The following CADPS variants were observed in gnomAD, a reference collection of about 807,000 sequenced individuals.
The protein encoded by CADPS is calcium-dependent secretion activator 1.
A neutral mutation model predicts 167.3 loss-of-function variants in CADPS; 57 were observed. That is an observed-to-expected ratio of 0.34 (90% CI 0.28 to 0.42). CADPS has a LOEUF of 0.42. Among genes scored for constraint, CADPS ranks in the 20% least tolerant of loss-of-function variants. CADPS has a pLI of 1.00. For missense variants in CADPS, 1,414 were observed against 1,738.1 expected (o/e 0.81, Z 3.32); for synonymous variants, 676 against 635.3 (o/e 1.06, Z -0.96).
intron 26 of CADPS, among the ~76,000 whole-genome samples, chr3:62,457,658 T>G (rs2058848930): frequency 6.6e-6 from 1 of 152,124 alleles, no homozygotes; most frequent in Non-Finnish European, 1.5e-5. Context: ...ATGCTAAGAC[T>G]GAACTGGTGA....
At chr3:62,699,507 GAATT>G (rs2081000118) in intron 3 of CADPS, among the ~76,000 whole-genome samples, 1 of 152,164 alleles carries the variant, frequency 6.6e-6, no homozygotes, top group Non-Finnish European at 1.5e-5. Context: ...TGTAAAGTCA[GAATT>G]AATAAACATT....
intron 10 of CADPS, among the ~76,000 whole-genome samples, chr3:62,556,330 G>A (rs150578362): frequency 7.2e-5 from 11 of 152,292 alleles, no homozygotes; most frequent in African/African-American, 1.9e-4. Flanking sequence ...AAGGGGTGGC[G>A]CTGGGCCCAG....
intron 3 of CADPS, among the ~76,000 whole-genome samples, chr3:62,722,636 CT>C (rs1457763588): frequency 6.6e-6 from 1 of 152,224 alleles, no homozygotes; most frequent in African/African-American, 2.4e-5. Flanking sequence ...TAAACAGCTT[CT>C]TTTCTGGCAA....
intron 4 of CADPS, among the ~76,000 whole-genome samples, chr3:62,657,262 A>G (rs1172346640): frequency 6.6e-6 from 1 of 152,042 alleles, no homozygotes; most frequent in Admixed American, 6.6e-5. Context: ...TCTGTGTAGA[A>G]TACGGGTCTA....
At chr3:62,517,786 T>A (rs531922682) in intron 14 of CADPS, among the ~76,000 whole-genome samples, 1 of 152,142 alleles carries the variant, frequency 6.6e-6, no homozygotes, top group Non-Finnish European at 1.5e-5. Context: ...GAGACTCTCC[T>A]AGGAGTATCA....
chr3:62,691,705 T>C (rs1911194), intron 3 of CADPS, among the ~76,000 whole-genome samples: 134,147 of 151,876 alleles, frequency 0.88, 59,345 homozygotes, highest in East Asian at 0.98. Flanking sequence ...TGCATGTTCT[T>C]ACTCATAAGC....
chr3:62,794,778 TAAAAA>T (rs71126555), intron 1 of CADPS, among the ~76,000 whole-genome samples: 7 of 99,894 alleles, frequency 7.0e-5, no homozygotes, highest in Admixed American at 2.1e-4. Context: ...CGCAAGGTGG[TAAAAA>T]AAAAAAAAAA....
intron 28 of CADPS, among the ~76,000 whole-genome samples, chr3:62,410,252 A>G (rs754072891): frequency 3.9e-5 from 6 of 152,208 alleles, no homozygotes; most frequent in Non-Finnish European, 7.3e-5. Flanking sequence ...CTCCATCCTG[A>G]GTGATAGTTG....
At chr3:62,745,587 G>A (rs2081283180) in intron 3 of CADPS, among the ~76,000 whole-genome samples, 1 of 152,160 alleles carries the variant, frequency 6.6e-6, no homozygotes, top group Non-Finnish European at 1.5e-5. Context: ...GAAAGTTTAT[G>A]CCTGGAAGAT....
chr3:62,680,100 A>T (rs1156638486), intron 3 of CADPS, among the ~76,000 whole-genome samples: 2 of 151,978 alleles, frequency 1.3e-5, no homozygotes, highest in African/African-American at 2.4e-5. Context: ...TGTGTTCTGG[A>T]TTACTCTTGG....
intron 1 of CADPS, among the ~76,000 whole-genome samples, chr3:62,794,502 G>A (rs114977529): frequency 2.8e-3 from 423 of 152,170 alleles, no homozygotes; most frequent in African/African-American, 9.6e-3. Flanking sequence ...GGTAGTGTTC[G>A]AACTCAGGAG....
At chr3:62,848,849 G>A (rs1101780) in intron 1 of CADPS, among the ~76,000 whole-genome samples, 1,601 of 115,402 alleles carry the variant, frequency 0.014, 32 homozygotes, top group African/African-American at 0.05. Flanking sequence ...GGATGGCATT[G>A]AATCTGTAAA....
rs780344219 is a variant in CADPS, at chr3:62,831,828, A to T, written c.441+42761T>A. Among the ~76,000 whole-genome samples the T allele has an allele frequency of 8.1e-4, 123 of 152,316 alleles. 1 individual carries two copies. Among genetic ancestry groups the T allele is most frequent in the Non-Finnish European group, 1.5e-3 (101 of 68,016 alleles). ...CTTACACAGTGCTATAAGCCTAACT[A>T]AATCTTTGTATTAAACCGTAGTACC... On this transcript the variant is annotated intron_variant, in intron 1 of 29. Transcript: ENST00000383710.
intron 17 of CADPS, among the ~76,000 whole-genome samples, chr3:62,508,518 T>G (rs1425699128): frequency 6.6e-6 from 1 of 152,212 alleles, no homozygotes; most frequent in Admixed American, 6.5e-5. Context: ...CTTCAGGATT[T>G]CCATGCATGA....
At chr3:62,664,935 T>G (rs572131421) in intron 3 of CADPS, among the ~76,000 whole-genome samples, 1 of 152,346 alleles carries the variant, frequency 6.6e-6, no homozygotes, top group African/African-American at 2.4e-5. Context: ...TTCACTAATT[T>G]ACTCATTCAT....
In CADPS at chr3:62,623,771, C is replaced by T. The variant is rs147574455; in HGVS notation, c.1325+21951G>A. Among the ~76,000 whole-genome samples the T allele has an allele frequency of 3.4e-3, 514 of 152,176 alleles. 6 individuals are homozygous for T. Among genetic ancestry groups the T allele is most frequent in the African/African-American group, 0.012 (495 of 41,514 alleles). ...ACAATGAACATAAATTGTAACTTCC[C>T]ACGGCTGAACAATCATTCTCTTAAA... On this transcript the variant is annotated intron_variant, in intron 6 of 29. Transcript: ENST00000383710.
chr3:62,585,220 G>C lies in CADPS; in HGVS notation c.1542C>G (p.Val514=). ...PDQDLKIKLA[V]RMDKPQNMKH... ...TCATGTTTTGAGGCTTATCCATTCG[G>C]ACAGCAAGTTTGATTTTGAGATCTT... The change falls in exon 8 of 30, where the codon GTC becomes GTG. Residue 514 remains valine, a synonymous_variant. Coordinates refer to ENST00000383710, the MANE Select transcript of CADPS (RefSeq NM_003716.4). 6.2e-7 allele frequency: 1 copy of C among 1,614,026 alleles called. No homozygotes were observed. Among genetic ancestry groups the C allele is most frequent in the Non-Finnish European group, 8.5e-7 (1 of 1,179,946 alleles).
intron 13 of CADPS, among the ~76,000 whole-genome samples, chr3:62,522,404 G>T (rs185553276): frequency 1.8e-3 from 279 of 152,218 alleles, no homozygotes; most frequent in African/African-American, 6.6e-3. Flanking sequence ...CTTGCAAAAT[G>T]CTGGCATTAC....
intron 1 of CADPS, among the ~76,000 whole-genome samples, chr3:62,859,328 C>T (rs1330228909): frequency 2.6e-5 from 4 of 152,054 alleles, no homozygotes; most frequent in Admixed American, 2.6e-4. Flanking sequence ...GGATTGTTTT[C>T]CACACACAAG....
Sources: allele counts gnomAD v4.1 joint callset (sites outside exome capture counted in the v4.1 genomes callset), GRCh38; gene constraint gnomAD v4.1.1; transcripts MANE v1.5; gene names NCBI Gene and HGNC (gene_info 2026-07-23, HGNC 2026-07-21).